SGCD: variants seen among roughly 807,000 people sequenced by gnomAD.
The protein encoded by SGCD is sarcoglycan delta.
Under a neutral mutation model 36.6 loss-of-function variants are expected in SGCD, and 18 were observed. The observed-to-expected ratio is 0.49, with a 90% CI of 0.34 to 0.73. The LOEUF is 0.73. SGCD is among the 30% of genes least tolerant of loss of function. SGCD has a pLI of 0.01. For synonymous variants in SGCD, 133 were observed against 130.6 expected, an observed-to-expected ratio of 1.02 and a Z score of -0.12; for missense variants, 387 against 346.7, an observed-to-expected ratio of 1.12 and a Z score of -0.92.
At chr5:156,297,248 G>A (rs1766921201) in intron 3 of SGCD, among the ~76,000 whole-genome samples, 1 of 151,958 alleles carries the variant, frequency 6.6e-6, no homozygotes, top group Admixed American at 6.6e-5. Context: ...CAGGGATCTA[G>A]AACTGGAAAT....
intron 3 of SGCD, among the ~76,000 whole-genome samples, chr5:156,498,501 A>G (rs1756301094): frequency 6.6e-6 from 1 of 152,202 alleles, no homozygotes; most frequent in African/African-American, 2.4e-5. Context: ...TCTGGACAAT[A>G]CATGAATGAG....
rs529207472 is a variant in SGCD, at chr5:156,522,301, C to A, written c.294+13599C>A. 8.5e-5 allele frequency among the ~76,000 whole-genome samples: 13 copies of A among 152,118 alleles called. No homozygotes were observed. In the East Asian group the frequency reaches 2.3e-3, roughly 27 times the overall value. On this transcript the variant is annotated intron_variant, in intron 4 of 8. Transcript: ENST00000337851. ...GGCACATGTATACCTATGTATCAAA[C>A]CTGCACGTTGTGCACATGTACCCTA...
the SGCD span, among the ~76,000 whole-genome samples, chr5:155,737,919 G>T: frequency 6.6e-6 from 1 of 152,082 alleles, no homozygotes; most frequent in South Asian, 2.1e-4. Flanking sequence ...TGGGACAGTG[G>T]GGGAGCTGGG....
At chr5:156,416,377 G>A (rs753708568) in intron 3 of SGCD, among the ~76,000 whole-genome samples, 4 of 152,138 alleles carry the variant, frequency 2.6e-5, no homozygotes, top group Non-Finnish European at 5.9e-5. Flanking sequence ...AAAGGGTGGA[G>A]GTGGCAAGGG....
chr5:156,054,042 T>C (rs1424689327), intron 1 of SGCD, among the ~76,000 whole-genome samples: 1 of 145,724 alleles, frequency 6.9e-6, no homozygotes, highest in East Asian at 1.9e-4. Flanking sequence ...TTCCGATATA[T>C]GAAATGAGAG....
chr5:156,621,535 G>A (rs757590112), intron 6 of SGCD, among the ~76,000 whole-genome samples: 9 of 152,082 alleles, frequency 5.9e-5, no homozygotes, highest in Admixed American at 6.6e-5. Context: ...AAAAATGTGC[G>A]TTATGGGAGC....
At chr5:156,080,054 G>A (rs1760910832) in intron 1 of SGCD, among the ~76,000 whole-genome samples, 1 of 152,238 alleles carries the variant, frequency 6.6e-6, no homozygotes, top group Non-Finnish European at 1.5e-5. Context: ...AGGCTGCCAT[G>A]TCTCCTTCAT....
chr5:156,432,216 G>A (rs1053025597), intron 3 of SGCD, among the ~76,000 whole-genome samples: 1 of 152,234 alleles, frequency 6.6e-6, no homozygotes, highest in Non-Finnish European at 1.5e-5. Context: ...TTGTAGATAG[G>A]CTAATGTGCT....
rs1488841523 is a variant in SGCD, at chr5:156,148,301, C to T, written c.-44+24282C>T. Among the ~76,000 whole-genome samples, 3 of 152,140 alleles carry T rather than the reference C, an allele frequency of 2.0e-5. No homozygotes were observed. The East Asian group carries it at 5.8e-4, about 29-fold the overall frequency. On this transcript the variant is annotated intron_variant, in intron 3 of 9. Transcript: ENST00000517913. Reference sequence around the variant, plus strand: ...CATATGCAAACACAGCACCTGGAAACTGGGGTACCTTTGGGTTTGTCTTGT... The same window carrying T: ...CATATGCAAACACAGCACCTGGAAATTGGGGTACCTTTGGGTTTGTCTTGT...
intron 3 of SGCD, among the ~76,000 whole-genome samples, chr5:156,449,841 AAACTCCATCTC>A (rs1753926373): frequency 6.9e-6 from 1 of 144,908 alleles, no homozygotes; most frequent in African/African-American, 2.6e-5. Context: ...GATAAGAGTG[AAACTCCATCTC>A]AAAAAAAAAA....
chr5:156,741,526 A>G (rs1216236799), intron 7 of SGCD, among the ~76,000 whole-genome samples: 2 of 149,676 alleles, frequency 1.3e-5, no homozygotes, highest in Middle Eastern at 3.2e-3. Flanking sequence ...CACGAAAGGA[A>G]GGTTTGATAG....
At chr5:155,756,094 A>G in the SGCD span, among the ~76,000 whole-genome samples, 1 of 152,224 alleles carries the variant, frequency 6.6e-6, no homozygotes. Context: ...TTCCCTCTCA[A>G]TGCTTACCAG....
intron 3 of SGCD, among the ~76,000 whole-genome samples, chr5:156,300,388 A>G (rs1214349055): frequency 2.0e-5 from 3 of 152,014 alleles, no homozygotes; most frequent in Admixed American, 6.6e-5. Flanking sequence ...CTCATCATTT[A>G]GGAGCATATT....
At chr5:155,964,896 C>T (rs1213426438) in intron 1 of SGCD, among the ~76,000 whole-genome samples, 1 of 152,094 alleles carries the variant, frequency 6.6e-6, no homozygotes, top group Non-Finnish European at 1.5e-5. Flanking sequence ...CCACTTGCCC[C>T]AGCTATTTGT....
At chr5:155,742,320 A>G in the SGCD span, among the ~76,000 whole-genome samples, 1 of 152,176 alleles carries the variant, frequency 6.6e-6, no homozygotes, top group Non-Finnish European at 1.5e-5. Context: ...TTTTCCACAC[A>G]ATGAAATTAC....
chr5:156,422,967 GA>G, intron 3 of SGCD, among the ~76,000 whole-genome samples: 1 of 151,152 alleles, frequency 6.6e-6, no homozygotes, highest in Non-Finnish European at 1.5e-5. Context: ...GTGAGACCAA[GA>G]AATCGGCAAG....
intron 1 of SGCD, among the ~76,000 whole-genome samples, chr5:155,892,459 G>GAAAAAAA (rs70981989): frequency 1.4e-4 from 13 of 94,294 alleles, no homozygotes; most frequent in African/African-American, 1.5e-4. Context: ...ATCTGAAAAA[G>GAAAAAAA]AAAAAAAAAA....
chr5:156,184,699 A>T (rs1763693828), intron 3 of SGCD, among the ~76,000 whole-genome samples: 1 of 152,176 alleles, frequency 6.6e-6, no homozygotes, highest in Admixed American at 6.5e-5. Flanking sequence ...CCACCTCCTT[A>T]TTCCCTCCTG....
At chr5:156,502,669 T>C (rs1022774653) in intron 3 of SGCD, among the ~76,000 whole-genome samples, 12 of 152,160 alleles carry the variant, frequency 7.9e-5, no homozygotes, top group Admixed American at 5.9e-4. Context: ...CTTTTACATC[T>C]TATTGGGAGA....
Sources: gnomAD v4.1 joint callset for allele counts (sites outside exome capture counted in the v4.1 genomes callset) on GRCh38, gnomAD v4.1.1 for gene constraint, MANE v1.5 for transcripts, NCBI Gene and HGNC (gene_info 2026-07-23, HGNC 2026-07-21) for gene names.